The following CSF2RB variants were observed in gnomAD, a reference collection of about 807,000 sequenced individuals.
The protein encoded by CSF2RB is cytokine receptor common subunit beta.
Under a neutral mutation model 67.2 loss-of-function variants are expected in CSF2RB, and 22 were observed. That is an observed-to-expected ratio of 0.33 (90% confidence interval 0.23 to 0.47). CSF2RB has a LOEUF of 0.47. Ranked by LOEUF, CSF2RB falls within the 20% of genes least tolerant of loss-of-function variation. The pLI is 1.00. For synonymous variants in CSF2RB, 507 were observed against 482.9 expected (o/e 1.05, Z -0.65); for missense variants, 1,113 against 1,174.5 (o/e 0.95, Z 0.76).
chr22:36,926,077 C>T lies in CSF2RB; in HGVS notation c.291C>T (p.Val97=), dbSNP rs2145794997. The T allele has an allele frequency of 4.3e-6, 7 of 1,614,238 alleles. No individual in the cohort carries two copies. The highest frequency in any genetic ancestry group is 5.1e-6 in the Non-Finnish European group (6 of 1,180,038). ...CCCGCTGCGTGCCCAGGAGATGTGT[C>T]ATTCCCTGCCAGAGTTTTGTCGTCA... ...PHPRCVPRRC[V]IPCQSFVVTD... The change falls in exon 4 of 14, where the codon GTC becomes GTT. Residue 97 remains valine, a synonymous_variant. Transcript: ENST00000403662.
intron 4 of CSF2RB, among the ~76,000 whole-genome samples, chr22:36,926,770 CTCTATAT>C (rs1941026336): frequency 6.6e-6 from 1 of 152,176 alleles, no homozygotes; most frequent in African/African-American, 2.4e-5. Context: ...TTTTATTTGC[CTCTATAT>C]TAGAAAGAAA....
At chr22:36,925,585 C>T (rs955062497) in intron 3 of CSF2RB, among the ~76,000 whole-genome samples, 2 of 152,188 alleles carry the variant, frequency 1.3e-5, no homozygotes, top group African/African-American at 4.8e-5. Flanking sequence ...TCTGCCTGTC[C>T]CAGGGCCTTT....
Position 36,930,482 on chromosome 22 carries a change from C to G in CSF2RB, c.826C>G (p.Leu276Val), listed in dbSNP as rs749754665. Residue 276 changes from leucine to valine, a missense_variant, in exon 7 of 14, where the codon CTA becomes GTA. Physicochemically the swap from Leu to Val is conservative, Grantham distance 32 (BLOSUM62 1). Around this residue, in one of 2 missense-constraint regions of CSF2RB, gnomAD observed 559 missense variants for 656.5 expected, o/e 0.85. Coordinates refer to ENST00000403662, the MANE Select transcript of CSF2RB (RefSeq NM_000395.3). ...KEVASSVSFG[L>V]FYKPSPDAGE... ...GGTGGCCAGCTCGGTCTCCTTTGGC[C>G]TATTCTACAAGCCCAGCCCAGATGC... is the stretch of plus-strand genomic sequence containing the variant. 1.7e-5 allele frequency: 28 copies of G among 1,613,688 alleles called. No homozygotes were observed. Among genetic ancestry groups the G allele is most frequent in the Non-Finnish European group, 2.1e-5 (25 of 1,180,030 alleles).
At chr22:36,935,557 C>T (rs1941249009) in intron 11 of CSF2RB, 73 bp from the exon 12 acceptor site, 1 of 1,610,206 alleles carries the variant, frequency 6.2e-7, no homozygotes, top group Non-Finnish European at 8.5e-7. Flanking sequence ...CCTCAGTTTC[C>T]CCTCTGGGCA....
chr22:36,929,707 C>T lies in CSF2RB; in HGVS notation c.618C>T (p.Ser206=). The T allele has an allele frequency of 6.2e-7, 1 of 1,614,230 alleles. No homozygotes were observed. The highest frequency in any genetic ancestry group is 1.1e-5 in the South Asian group (1 of 91,086). Reference sequence around the variant, plus strand: ...GGCCAGAGCACCTCATGCCCAGCAGCACCTACGTGGCCCGAGTACGGACCC... The same window carrying T: ...GGCCAGAGCACCTCATGCCCAGCAGTACCTACGTGGCCCGAGTACGGACCC... ...TLGPEHLMPS[S]TYVARVRTRL... Residue 206 remains serine, a synonymous_variant, in exon 6 of 14, where the codon AGC becomes AGT. Transcript: ENST00000403662.
intron 3 of CSF2RB, among the ~76,000 whole-genome samples, chr22:36,925,086 G>T (rs759394388): frequency 2.0e-4 from 30 of 152,194 alleles, no homozygotes; most frequent in Non-Finnish European, 2.9e-4. Context: ...CCCGAGCTGC[G>T]CTGCTGCCTC....
In CSF2RB at chr22:36,937,204, C is replaced by G. The variant is rs1315576320; in HGVS notation, c.1569-173C>G. 6.6e-6 allele frequency among the ~76,000 whole-genome samples: 1 copy of G among 152,108 alleles called. No individual in the cohort carries two copies. The highest frequency in any genetic ancestry group is 1.5e-5 in the Non-Finnish European group (1 of 68,006). On this transcript the variant is annotated intron_variant, in intron 13 of 13. Transcript: ENST00000403662. The surrounding 1 kb of genome is among the most constrained non-coding windows in gnomAD (Gnocchi z 4.6). ...GAAAGACTGAATCCATGTCCCATGT[C>G]CTTCTCTGGGGCCCCTGCTCCCTCA...
rs754047893 is a variant in CSF2RB at position 36,932,791 on chromosome 22, G to A, written c.1039G>A (p.Val347Met). The change falls in exon 9 of 14, where the codon GTG becomes ATG. Residue 347 changes from valine to methionine, a missense_variant. By Grantham distance (21) the Val-to-Met change is conservative. Around this residue, in one of 2 missense-constraint regions of CSF2RB, gnomAD observed 559 missense variants for 656.5 expected, o/e 0.85. Coordinates refer to ENST00000403662, the MANE Select transcript of CSF2RB (RefSeq NM_000395.3). ...NIQMAPPSLN[V>M]TKDGDSYSLR... ...CCAGATGGCCCCTCCATCCCTCAAC[G>A]TGACCAAGGATGGAGACAGCTACAG... The A allele has an allele frequency of 1.8e-5, 29 of 1,613,886 alleles. No individual in the cohort carries two copies. In the Admixed American group the frequency reaches 1.8e-4, roughly 10 times the overall value.
chr22:36,927,928 A>T (rs1333261083), intron 4 of CSF2RB, among the ~76,000 whole-genome samples: 1 of 152,188 alleles, frequency 6.6e-6, no homozygotes, highest in African/African-American at 2.4e-5. Flanking sequence ...TCTTTCCTTG[A>T]GCGCCTACAT....
chr22:36,919,110 A>G (rs1428604045), intron 1 of CSF2RB, among the ~76,000 whole-genome samples: 1 of 152,232 alleles, frequency 6.6e-6, no homozygotes. Context: ...GGAAGGAAAT[A>G]GACCTTTTTA....
At chr22:36,915,412 A>C (rs936792382) in intron 1 of CSF2RB, among the ~76,000 whole-genome samples, 1 of 124,916 alleles carries the variant, frequency 8.0e-6, no homozygotes, top group Non-Finnish European at 1.8e-5. Context: ...CAGAAATGGG[A>C]TTATTTTATT....
At chr22:36,934,021 T>C (rs1301443694) in intron 10 of CSF2RB, 27 bp downstream of exon 10, 2 of 1,610,370 alleles carry the variant, frequency 1.2e-6, no homozygotes, top group Non-Finnish European at 1.7e-6. Flanking sequence ...GTCCAGAGCT[T>C]CTGGCCAGGA....
rs1440997145 is a variant in CSF2RB at position 36,932,918 on chromosome 22, C to T, written c.1152+14C>T. ...GCCACGTGGAAGGTGAGGGCCTTTG[C>T]CCAGGGAGGGGAGAAACACTGGGGA... On this transcript the variant is annotated intron_variant, in intron 9 of 13. Coordinates refer to ENST00000403662, the MANE Select transcript of CSF2RB (RefSeq NM_000395.3). 4 of 1,613,636 alleles carry T rather than the reference C, an allele frequency of 2.5e-6. No individual in the cohort carries two copies. The African/African-American group carries it at 4.0e-5, about 16-fold the overall frequency.
In CSF2RB at chr22:36,929,591, G is replaced by C. The variant is rs745663251; in HGVS notation, c.549+32G>C. 1.9e-6 allele frequency: 3 copies of C among 1,614,164 alleles called. No homozygotes were observed. The East Asian group carries it at 6.7e-5, about 36-fold the overall frequency. The stretch of plus-strand genomic sequence containing the variant: ...ACCACGGCCAGCTCTGCCCCAGCCC[G>C]AAGGGATGGGCAGCACCCCTCCTCC... On this transcript the variant is annotated intron_variant, in intron 5 of 13. Coordinates refer to ENST00000403662, the MANE Select transcript of CSF2RB (RefSeq NM_000395.3).
At chr22:36,921,364 T>C (rs1940865456) in intron 1 of CSF2RB, among the ~76,000 whole-genome samples, 1 of 151,792 alleles carries the variant, frequency 6.6e-6, no homozygotes, top group South Asian at 2.1e-4. Context: ...TGTGTATACA[T>C]GTGGGTATGT....
chr22:36,914,286 C>T (rs1435146003), intron 1 of CSF2RB, among the ~76,000 whole-genome samples: 1 of 152,074 alleles, frequency 6.6e-6, no homozygotes, highest in South Asian at 2.1e-4. Context: ...AAGCTTGCTG[C>T]GCTGAGGCCC....
chr22:36,929,744 G>T lies in CSF2RB; in HGVS notation c.655G>T (p.Gly219Cys). 6.2e-7 allele frequency: 1 copy of T among 1,614,186 alleles called. No homozygotes were observed. The highest frequency in any genetic ancestry group is 8.5e-7 in the Non-Finnish European group (1 of 1,180,026). The change falls in exon 6 of 14, where the codon GGT becomes TGT. Residue 219 changes from glycine (G) to cysteine (C), a missense_variant. Coordinates refer to ENST00000403662, the MANE Select transcript of CSF2RB (RefSeq NM_000395.3). ...VARVRTRLAP[G>C]SRLSGRPSKW... is the part of the protein sequence containing the mutation. Reference sequence around the variant, plus strand: ...CCGAGTACGGACCCGCCTGGCCCCAGGTTCTCGGCTCTCAGGACGTCCCAG... The same window carrying T: ...CCGAGTACGGACCCGCCTGGCCCCATGTTCTCGGCTCTCAGGACGTCCCAG...
intron 1 of CSF2RB, among the ~76,000 whole-genome samples, chr22:36,917,754 C>A (rs1228329181): frequency 1.3e-5 from 2 of 152,080 alleles, no homozygotes; most frequent in Non-Finnish European, 2.9e-5. Context: ...GAAACCCAGC[C>A]TCTACTAAAG....
rs2229173 is a variant in CSF2RB, at chr22:36,933,858, C to T, written c.1179C>T (p.Asn393=). The part of the protein sequence containing the change: ...WKDSKTETLQ[N]AHSMALPALE... ...ACAGCAAGACCGAGACCCTCCAGAACGCCCACAGCATGGCCCTGCCAGCCC... is the reference window on the plus strand; with the variant it reads ...ACAGCAAGACCGAGACCCTCCAGAATGCCCACAGCATGGCCCTGCCAGCCC... Residue 393 remains asparagine (N), a synonymous_variant, in exon 10 of 14, where the codon AAC becomes AAT. Coordinates refer to ENST00000403662, the MANE Select transcript of CSF2RB (RefSeq NM_000395.3). 348 of 1,609,936 alleles carry T rather than the reference C, an allele frequency of 2.2e-4. No individual in the cohort carries two copies. The highest frequency in any genetic ancestry group is 9.2e-4 in the South Asian group (84 of 90,940).
Sources: gnomAD v4.1 joint callset for allele counts (sites outside exome capture counted in the v4.1 genomes callset) on GRCh38, gnomAD v4.1.1 for gene constraint, gnomAD v4.1.1 regional missense constraint, Gnocchi (gnomAD v3.1) non-coding constraint, MANE v1.5 for transcripts, NCBI Gene and HGNC (gene_info 2026-07-23, HGNC 2026-07-21) for gene names.